The following NPLOC4 variants were observed in gnomAD, a reference collection of about 807,000 sequenced individuals.
NPLOC4 encodes nuclear protein localization protein 4 homolog.
Under a neutral mutation model 80.6 loss-of-function variants are expected in NPLOC4, and 18 were observed. The ratio of observed to expected loss-of-function variants is 0.22; its 90% CI spans 0.15 to 0.33. The LOEUF (loss-of-function observed/expected upper bound fraction) is 0.33. Ranked by LOEUF, NPLOC4 falls within the 10% of genes least tolerant of loss-of-function variation. The pLI, the probability that NPLOC4 is intolerant of heterozygous loss-of-function variation, is 1.00. For synonymous variants in NPLOC4, 313 were observed against 301.5 expected (o/e 1.04, Z -0.39); for missense variants, 540 against 786.1 (o/e 0.69, Z 3.74).
chr17:81,591,462 A>AAC (rs2034740649), intron 11 of NPLOC4, among the ~76,000 whole-genome samples: 2 of 150,846 alleles, frequency 1.3e-5, no homozygotes, highest in Admixed American at 1.3e-4. Flanking sequence ...AAAAAAAAAA[A>AAC]AAAAAAAAAA....
intron 10 of NPLOC4, 75 bp downstream of exon 10, chr17:81,597,170 G>A: frequency 9.8e-7 from 1 of 1,020,088 alleles, no homozygotes; most frequent in Non-Finnish European, 1.5e-6. Context: ...GGTGCAAAGA[G>A]ACCCTGATAA....
intron 12 of NPLOC4, among the ~76,000 whole-genome samples, chr17:81,578,795 G>A (rs1406930962): frequency 6.6e-6 from 1 of 152,262 alleles, no homozygotes; most frequent in Non-Finnish European, 1.5e-5. Flanking sequence ...AAGATGAGGT[G>A]TGGGTGTGGA....
In NPLOC4 at chr17:81,605,290, A is replaced by AT. The variant is rs1568148407; in HGVS notation, c.655-564_655-563insA. Among the ~76,000 whole-genome samples the AT allele has an allele frequency of 2.9e-5, 4 of 137,826 alleles. No individual in the cohort carries two copies. The East Asian group carries it at 6.2e-4, about 21-fold the overall frequency. The allele number at this position is 137,826 out of a possible 152,430, so 90.4% of individuals were successfully genotyped here. A position where few individuals can be genotyped will look rare whatever the true frequency, so the allele number is the denominator to read the frequency against. ...AGCAAAACTCCATCTCAAAAAAAAA[A>AT]AATAAATAATAATAATAATAATCTG... On this transcript the variant is annotated intron_variant, in intron 7 of 16. Coordinates refer to ENST00000331134, the MANE Select transcript of NPLOC4 (RefSeq NM_017921.4).
At position 81,571,148 on chromosome 17, in the gene NPLOC4, T is replaced by C. The variant is rs538055139; in HGVS notation, c.1353+869A>G. On this transcript the variant is annotated intron_variant, in intron 13 of 16. Transcript: ENST00000331134. ...AGTTGGAATGGTGCATCGATGGGCTTGGCTCGTGGGGACCTGCTGTTCCGA... is the reference window on the plus strand; with the variant it reads ...AGTTGGAATGGTGCATCGATGGGCTCGGCTCGTGGGGACCTGCTGTTCCGA... Among the ~76,000 whole-genome samples the C allele has an allele frequency of 4.6e-5, 7 of 152,304 alleles. No homozygotes were observed. The East Asian group carries it at 1.4e-3, about 29-fold the overall frequency.
At position 81,559,159 on chromosome 17, in the gene NPLOC4, T is replaced by C. The variant is rs2033758613; in HGVS notation, c.*100A>G. ...AGCCAGCCCCTTGTTCCTCCAGGGC[T>C]GCCCACTATGGGGCAGTTACAGGGA... On this transcript the variant is annotated 3_prime_UTR_variant, in exon 17 of 17. Coordinates refer to ENST00000331134, the MANE Select transcript of NPLOC4 (RefSeq NM_017921.4). 1.5e-6 allele frequency: 2 copies of C among 1,336,244 alleles called. No individual in the cohort carries two copies. Among genetic ancestry groups the C allele is most frequent in the Admixed American group, 2.6e-5 (1 of 38,560 alleles). 82.8% of individuals were successfully genotyped at this position (1,336,244 alleles called of 1,614,324 possible).
rs200009761 is a variant in NPLOC4, at chr17:81,635,370, AAAAAAG to A, written c.15+1540_15+1545del. 8.3e-3 allele frequency among the ~76,000 whole-genome samples: 1,252 copies of A among 151,342 alleles called. 24 individuals carry two copies. The highest frequency in any genetic ancestry group is 0.029 in the African/African-American group (1,206 of 41,210). ...ATAAAATAAGGTTAAAAAAAAAAAA[AAAAAAG>A]GAGTCGACGTTTCCTAAGTTTCTCC... is the stretch of plus-strand genomic sequence containing the variant. On this transcript the variant is annotated intron_variant, in intron 1 of 16. Coordinates refer to ENST00000331134, the MANE Select transcript of NPLOC4 (RefSeq NM_017921.4).
chr17:81,596,798 CAAG>C lies in NPLOC4; in HGVS notation c.993+444_993+446del, dbSNP rs1382657974. Among the ~76,000 whole-genome samples the C allele has an allele frequency of 4.6e-5, 7 of 152,290 alleles. No homozygotes were observed. In the South Asian group the frequency reaches 1.2e-3, roughly 27 times the overall value. On this transcript the variant is annotated intron_variant, in intron 10 of 16. Coordinates refer to ENST00000331134, the MANE Select transcript of NPLOC4 (RefSeq NM_017921.4). ...ACCAAGAGATCCGGCCTTCATTGAT[CAAG>C]AAGAACTTCTTGAAAAATAATGGGG... is the stretch of plus-strand genomic sequence containing the variant.
chr17:81,597,583 G>A (rs1387008567), intron 9 of NPLOC4, among the ~76,000 whole-genome samples: 1 of 151,284 alleles, frequency 6.6e-6, no homozygotes, highest in Non-Finnish European at 1.5e-5. Flanking sequence ...TCGGGAGTTC[G>A]AGACCAGCCT....
chr17:81,590,211 G>T lies in NPLOC4; in HGVS notation c.1121-1107C>A, dbSNP rs144220765. 4.0e-4 allele frequency among the ~76,000 whole-genome samples: 61 copies of T among 152,302 alleles called. 1 individual carries two copies. In the East Asian group the frequency reaches 0.01, roughly 25 times the overall value. ...CACTCCACGGCCGTGGGCAGACCTG[G>T]GAGCCCAGCTCCTCCATGGTTTCAC... is the stretch of plus-strand genomic sequence containing the variant. On this transcript the variant is annotated intron_variant, in intron 11 of 16. Coordinates refer to ENST00000331134, the MANE Select transcript of NPLOC4 (RefSeq NM_017921.4).
chr17:81,592,414 T>C (rs1167109993), intron 11 of NPLOC4, among the ~76,000 whole-genome samples: 1 of 152,176 alleles, frequency 6.6e-6, no homozygotes, highest in Non-Finnish European at 1.5e-5. Flanking sequence ...AGGGAGACCA[T>C]GGCAAGTCTG....
At position 81,567,842 on chromosome 17, in the gene NPLOC4, G is replaced by A; in HGVS notation, c.1450-309C>T. On this transcript the variant is annotated intron_variant, in intron 14 of 16. Transcript: ENST00000331134. This position sits in a 1 kb window ranked among gnomAD's most constrained non-coding sequence, Gnocchi z 4.5. ...AACACAGTAATTCCAGCACTTTTTA[G>A]GAGGCCGAGGCAGGCAGGTGGTCAG... The A allele has an allele frequency of 4.1e-6, 1 of 243,238 alleles. No individual in the cohort carries two copies. The highest frequency in any genetic ancestry group is 5.1e-5 in the Admixed American group (1 of 19,672). 15.1% of individuals were successfully genotyped at this position (243,238 alleles called of 1,614,324 possible). A position where few individuals can be genotyped will look rare whatever the true frequency, so the allele number is the denominator to read the frequency against.
At chr17:81,586,607 CAA>C (rs199678879) in intron 12 of NPLOC4, among the ~76,000 whole-genome samples, 17 of 125,960 alleles carry the variant, frequency 1.3e-4, no homozygotes, top group Admixed American at 2.4e-4. Context: ...AAAACTGTCT[CAA>C]AAAAAAAAAA....
At chr17:81,622,069 G>T (rs1181844442) in intron 3 of NPLOC4, 97 bp downstream of exon 3, 7 of 808,006 alleles carry the variant, frequency 8.7e-6, no homozygotes, top group Admixed American at 5.8e-5. Flanking sequence ...ATAATGAGTG[G>T]TGTGATGAGG....
chr17:81,619,592 C>T (rs2035608953), intron 3 of NPLOC4, among the ~76,000 whole-genome samples: 1 of 149,138 alleles, frequency 6.7e-6, no homozygotes, highest in African/African-American at 2.5e-5. Context: ...AGAAAAAAGG[C>T]GGGGTGCCAG....
At chr17:81,594,410 A>G (rs2034839657) in intron 11 of NPLOC4, among the ~76,000 whole-genome samples, 1 of 152,104 alleles carries the variant, frequency 6.6e-6, no homozygotes, top group South Asian at 2.1e-4. Flanking sequence ...TCATTTCAAA[A>G]ATCAATCTAA....
intron 7 of NPLOC4, among the ~76,000 whole-genome samples, chr17:81,605,707 G>A (rs539530227): frequency 6.6e-5 from 10 of 152,162 alleles, no homozygotes; most frequent in African/African-American, 1.7e-4. Flanking sequence ...GCGGGACACG[G>A]GGTTATAGGA....
intron 16 of NPLOC4, chr17:81,560,693 A>G (rs1003971450): frequency 2.1e-5 from 3 of 141,772 alleles, no homozygotes; most frequent in Admixed American, 7.6e-5. Flanking sequence ...ACAAACAAAC[A>G]AACAAACAAC....
intron 3 of NPLOC4, among the ~76,000 whole-genome samples, chr17:81,614,941 G>A (rs1192342453): frequency 1.3e-5 from 2 of 152,112 alleles, no homozygotes; most frequent in Non-Finnish European, 2.9e-5. Flanking sequence ...AAACCAACAC[G>A]GTGAAGGAAG....
rs1381002051 is a variant in NPLOC4 at position 81,567,700 on chromosome 17, T to C, written c.1450-167A>G. Among the ~76,000 whole-genome samples, 2 of 152,216 alleles carry C rather than the reference T, an allele frequency of 1.3e-5. No individual in the cohort carries two copies. The highest frequency in any genetic ancestry group is 4.8e-5 in the African/African-American group (2 of 41,448). On this transcript the variant is annotated intron_variant, in intron 14 of 16. Coordinates refer to ENST00000331134, the MANE Select transcript of NPLOC4 (RefSeq NM_017921.4). The surrounding 1 kb of genome is among the most constrained non-coding windows in gnomAD (Gnocchi z 4.5). The stretch of plus-strand genomic sequence containing the variant: ...GGTCCAAGAAAGAGGAGCAGGCAGC[T>C]GCAAAGCAAGCTCTTGCTCTCTTCT...
Sources: allele counts gnomAD v4.1 joint callset (sites outside exome capture counted in the v4.1 genomes callset), GRCh38; gene constraint gnomAD v4.1.1; non-coding constraint Gnocchi (gnomAD v3.1); transcripts MANE v1.5; gene names NCBI Gene and HGNC (gene_info 2026-07-23, HGNC 2026-07-21).